Variants in ME3 observed in about 807,000 individuals in gnomAD.
The protein encoded by ME3 is NADP-dependent malic enzyme, mitochondrial.
A neutral mutation model predicts 68.9 loss-of-function variants in ME3; 48 were observed. The observed-to-expected ratio is 0.70, with a 90% CI of 0.55 to 0.89. ME3 has a LOEUF of 0.89. ME3 is among the 40% of genes least tolerant of loss of function. The pLI is 0.00. For synonymous variants in ME3, 320 were observed against 318.8 expected, an observed-to-expected ratio of 1.00 and a Z score of -0.04; for missense variants, 675 against 797.4, an observed-to-expected ratio of 0.85 and a Z score of 1.85.
At position 86,650,842 on chromosome 11, in the gene ME3, T is replaced by C. The variant is rs560214614; in HGVS notation, c.183+20920A>G. 2.6e-5 allele frequency among the ~76,000 whole-genome samples: 4 copies of C among 152,272 alleles called. No individual in the cohort carries two copies. The East Asian group carries it at 7.7e-4, about 29-fold the overall frequency. The stretch of plus-strand genomic sequence containing the variant: ...CAAGGGGTCAGGGAATTCCCTCTCC[T>C]AGCCAAGGAAAGGGGTGACAGAGGG... On this transcript the variant is annotated intron_variant, in intron 2 of 14. Coordinates refer to ENST00000543262, the Ensembl canonical transcript of ME3.
At chr11:86,498,922 AC>A (rs1399594890) in intron 5 of ME3, among the ~76,000 whole-genome samples, 1 of 152,244 alleles carries the variant, frequency 6.6e-6, no homozygotes, top group African/African-American at 2.4e-5. Context: ...TTGCACATCT[AC>A]AAAAGCAAAT....
At chr11:86,583,363 C>A (rs1295948132) in intron 2 of ME3, among the ~76,000 whole-genome samples, 2 of 152,062 alleles carry the variant, frequency 1.3e-5, no homozygotes, top group Admixed American at 6.6e-5. Context: ...ACTTTTGCAC[C>A]AACCGAATAC....
rs548338690 is a variant in ME3, at chr11:86,591,267, TC to T, written c.184-31445del. 6.3e-3 allele frequency among the ~76,000 whole-genome samples: 965 copies of T among 152,338 alleles called. 8 individuals are homozygous for T. The highest frequency in any genetic ancestry group is 0.01 in the Middle Eastern group (3 of 294). ...TAGCAATACTGCTTTATCTGGATTTTCCACAGGCCCCTGTTATGGGCTGAAT... is the reference window on the plus strand; with the variant it reads ...TAGCAATACTGCTTTATCTGGATTTTCACAGGCCCCTGTTATGGGCTGAAT... On this transcript the variant is annotated intron_variant, in intron 2 of 14. Coordinates refer to ENST00000543262, the Ensembl canonical transcript of ME3.
intron 6 of ME3, among the ~76,000 whole-genome samples, chr11:86,495,517 G>A (rs1952267103): frequency 6.6e-6 from 1 of 152,186 alleles, no homozygotes. Context: ...AGGAATGAAG[G>A]TCTCAATTAA....
At chr11:86,476,450 G>A (rs1260618242) in intron 7 of ME3, among the ~76,000 whole-genome samples, 1 of 152,162 alleles carries the variant, frequency 6.6e-6, no homozygotes, top group African/African-American at 2.4e-5. Flanking sequence ...ATCAGTGGGT[G>A]ATCTCAGAGC....
chr11:86,585,050 G>A (rs1382439334), intron 2 of ME3, among the ~76,000 whole-genome samples: 2 of 152,098 alleles, frequency 1.3e-5, no homozygotes, highest in Non-Finnish European at 2.9e-5. Flanking sequence ...TCGGGGTAGG[G>A]GTGGTGTTGA....
At chr11:86,626,238 A>G (rs1407792793) in intron 2 of ME3, among the ~76,000 whole-genome samples, 2 of 152,216 alleles carry the variant, frequency 1.3e-5, no homozygotes, top group Non-Finnish European at 1.5e-5. Context: ...AAGAGAGTAC[A>G]ATAGTGAGAG....
At chr11:86,499,456 A>C (rs533792849) in intron 5 of ME3, among the ~76,000 whole-genome samples, 60 of 152,270 alleles carry the variant, frequency 3.9e-4, no homozygotes, top group Non-Finnish European at 7.4e-4. Context: ...TCTAGGCTAC[A>C]AATGTCCTGA....
rs1023120070 is a variant in ME3 at position 86,603,836 on chromosome 11, A to G, written c.184-44013T>C. 7.9e-5 allele frequency among the ~76,000 whole-genome samples: 12 copies of G among 151,236 alleles called. 1 individual carries two copies. The highest frequency in any genetic ancestry group is 2.7e-4 in the African/African-American group (11 of 41,082). On this transcript the variant is annotated intron_variant, in intron 2 of 14. Transcript: ENST00000543262. ...TGGAAATCATCATTCTCAGTAAACT[A>G]TCACAAGGACAAAAAACCAAGCACC...
chr11:86,496,511 CT>C (rs1952347405), intron 6 of ME3, among the ~76,000 whole-genome samples: 1 of 152,188 alleles, frequency 6.6e-6, no homozygotes, highest in Admixed American at 6.5e-5. Flanking sequence ...AGAGAAATCA[CT>C]GCAGAATGCA....
intron 2 of ME3, among the ~76,000 whole-genome samples, chr11:86,571,885 C>G (rs1329100996): frequency 6.6e-6 from 1 of 152,178 alleles, no homozygotes; most frequent in Non-Finnish European, 1.5e-5. Flanking sequence ...GAGAGGCATT[C>G]AGAGGAGCTT....
intron 4 of ME3, among the ~76,000 whole-genome samples, chr11:86,530,627 C>T (rs1434416062): frequency 2.0e-5 from 3 of 152,196 alleles, no homozygotes; most frequent in Non-Finnish European, 2.9e-5. Flanking sequence ...ACCAAAACAG[C>T]ATGGTACTGG....
chr11:86,602,429 A>G (rs1160438134), intron 2 of ME3, among the ~76,000 whole-genome samples: 1 of 152,212 alleles, frequency 6.6e-6, no homozygotes, highest in Non-Finnish European at 1.5e-5. Context: ...GGAGAACTAC[A>G]AACCACTGCT....
intron 2 of ME3, among the ~76,000 whole-genome samples, chr11:86,669,187 G>T (rs1946761099): frequency 6.6e-6 from 1 of 152,154 alleles, no homozygotes; most frequent in Admixed American, 6.5e-5. Flanking sequence ...TCCCTCTGTT[G>T]CTCCCCTTCT....
At chr11:86,475,515 A>G (rs1377046407) in intron 7 of ME3, among the ~76,000 whole-genome samples, 1 of 152,088 alleles carries the variant, frequency 6.6e-6, no homozygotes, top group Non-Finnish European at 1.5e-5. Context: ...ATATATTTGT[A>G]TTGGCCACAT....
intron 4 of ME3, among the ~76,000 whole-genome samples, chr11:86,527,823 C>T (rs1240267368): frequency 2.0e-5 from 3 of 152,142 alleles, no homozygotes; most frequent in East Asian, 1.9e-4. Flanking sequence ...TTTGTCACCA[C>T]CAGGCCTGCC....
At chr11:86,553,072 G>A (rs11234691) in intron 4 of ME3, among the ~76,000 whole-genome samples, 22,500 of 152,094 alleles carry the variant, frequency 0.15, 1,946 homozygotes, top group East Asian at 0.32. Flanking sequence ...GACCTTCATG[G>A]GGCGTTCCCT....
At chr11:86,639,170 G>A (rs1442967891) in intron 2 of ME3, among the ~76,000 whole-genome samples, 1 of 152,172 alleles carries the variant, frequency 6.6e-6, no homozygotes, top group African/African-American at 2.4e-5. Context: ...AAAGTTTGCT[G>A]TTATTATTGT....
In ME3 at chr11:86,627,669, G is replaced by GGTT. The variant is rs1455770705; in HGVS notation, c.183+44092_183+44093insAAC. Among the ~76,000 whole-genome samples the GGTT allele has an allele frequency of 4.0e-3, 607 of 152,272 alleles. 5 individuals are homozygous for GGTT. The highest frequency in any genetic ancestry group is 0.014 in the African/African-American group (592 of 41,548). The stretch of plus-strand genomic sequence containing the variant: ...GTCTGCCCACTCTCCTTACTCTGAA[G>GGTT]GATTCAGTATCAACCTCAAAATCAT... On this transcript the variant is annotated intron_variant, in intron 2 of 14. Transcript: ENST00000543262.
Sources: gnomAD v4.1 joint callset for allele counts (sites outside exome capture counted in the v4.1 genomes callset) on GRCh38, gnomAD v4.1.1 for gene constraint, MANE v1.5 for transcripts, NCBI Gene and HGNC (gene_info 2026-07-23, HGNC 2026-07-21) for gene names.